CSGALNACT1: variants seen among roughly 807,000 people sequenced by gnomAD.
The protein encoded by CSGALNACT1 is beta4GalNAcT-1.
In CSGALNACT1, 52 loss-of-function variants were observed where a neutral mutation model predicts 51.0. That is an observed-to-expected ratio of 1.02 (90% CI 0.82 to 1.29). CSGALNACT1 has a LOEUF of 1.29. CSGALNACT1 is among the 50% of genes most tolerant of loss of function. The probability of loss-of-function intolerance (pLI) is 0.00; values close to 1 mark genes in which losing one functional copy is unlikely to be tolerated. For synonymous variants in CSGALNACT1, 341 were observed against 254.4 expected (o/e 1.34, Z -3.24); for missense variants, 935 against 679.2 (o/e 1.38, Z -4.19).
At chr8:19,532,718 T>C (rs1470795272) in intron 3 of CSGALNACT1, among the ~76,000 whole-genome samples, 1 of 152,182 alleles carries the variant, frequency 6.6e-6, no homozygotes, top group Admixed American at 6.5e-5. Flanking sequence ...GAAGAGGTAG[T>C]GAGCTCTTCC....
At chr8:19,684,172 A>T (rs1178043847), upstream of CSGALNACT1, among the ~76,000 whole-genome samples, 1 of 152,142 alleles carries the variant, frequency 6.6e-6, no homozygotes, top group Admixed American at 6.6e-5. Flanking sequence ...TCTCAAAAAA[A>T]AAATACATAA....
intron 3 of CSGALNACT1, among the ~76,000 whole-genome samples, chr8:19,556,931 T>C (rs191029239): frequency 7.7e-6 from 1 of 130,554 alleles, no homozygotes; most frequent in Non-Finnish European, 1.6e-5. Context: ...AGGTGTGCTA[T>C]AAACAAACCA....
At chr8:19,686,788 G>A (rs115307423), upstream of CSGALNACT1, among the ~76,000 whole-genome samples, 1,006 of 152,300 alleles carry the variant, frequency 6.6e-3, 13 homozygotes, top group African/African-American at 0.023. Flanking sequence ...ACCCCAGACA[G>A]GGATACCATC....
chr8:19,719,350 T>C (rs1323068441), intron 1 of CSGALNACT1, among the ~76,000 whole-genome samples: 1 of 152,202 alleles, frequency 6.6e-6, no homozygotes, highest in African/African-American at 2.4e-5. Flanking sequence ...GATGCGAGGT[T>C]GACAAGTGGA....
chr8:19,702,674 T>A (rs1345852064), intron 1 of CSGALNACT1, among the ~76,000 whole-genome samples: 1 of 152,136 alleles, frequency 6.6e-6, no homozygotes, highest in Non-Finnish European at 1.5e-5. Context: ...TCAGTCCTTG[T>A]CACAGACTGC....
intron 6 of CSGALNACT1, among the ~76,000 whole-genome samples, chr8:19,427,788 A>C (rs930080345): frequency 1.4e-5 from 2 of 146,230 alleles, no homozygotes; most frequent in African/African-American, 5.0e-5. Context: ...ACTCCACTTC[A>C]AAAAAAAAAA....
At chr8:19,420,243 G>A in intron 7 of CSGALNACT1, 97 bp downstream of exon 6, 1 of 1,114,638 alleles carries the variant, frequency 9.0e-7, no homozygotes, top group South Asian at 1.2e-5. Context: ...GGCTGATTCA[G>A]AAGCAGGACA....
At chr8:19,728,083 G>A (rs2063499128) in intron 1 of CSGALNACT1, among the ~76,000 whole-genome samples, 1 of 152,106 alleles carries the variant, frequency 6.6e-6, no homozygotes, top group East Asian at 1.9e-4. Flanking sequence ...GGCTGCCAGG[G>A]CTTAAATCTG....
chr8:19,550,949 G>T (rs1019478257), intron 3 of CSGALNACT1, among the ~76,000 whole-genome samples: 3 of 152,138 alleles, frequency 2.0e-5, no homozygotes, highest in African/African-American at 7.2e-5. Context: ...AAGGGTATTT[G>T]TCCAGACACG....
chr8:19,458,367 A>T (rs1173105229), intron 5 of CSGALNACT1, 59 bp downstream of exon 4: 13 of 1,313,776 alleles, frequency 9.9e-6, no homozygotes, highest in Non-Finnish European at 1.4e-5. Flanking sequence ...ACGGGAAATG[A>T]TATCAGTGTT....
At chr8:19,412,632 A>T (rs4412390) in intron 8 of CSGALNACT1, among the ~76,000 whole-genome samples, 70,739 of 152,132 alleles carry the variant, frequency 0.46, 17,914 homozygotes, top group East Asian at 0.83. Flanking sequence ...TTACAAAGTG[A>T]CCCATGTAGC....
intron 5 of CSGALNACT1, among the ~76,000 whole-genome samples, chr8:19,452,096 T>C (rs1180712601): frequency 6.6e-6 from 1 of 152,178 alleles, no homozygotes; most frequent in Non-Finnish European, 1.5e-5. Flanking sequence ...GGAGACATAA[T>C]CTTCTGCTGT....
intron 1 of CSGALNACT1, among the ~76,000 whole-genome samples, chr8:19,754,842 A>G (rs1563237354): frequency 6.6e-6 from 1 of 152,132 alleles, no homozygotes; most frequent in Non-Finnish European, 1.5e-5. Flanking sequence ...CTCCTCTCCA[A>G]CCCGGCTTTA....
chr8:19,743,118 C>T (rs929474114), intron 1 of CSGALNACT1, among the ~76,000 whole-genome samples: 1 of 152,152 alleles, frequency 6.6e-6, no homozygotes, highest in African/African-American at 2.4e-5. Context: ...TTCCATAATG[C>T]ATAAATGGAA....
chr8:19,505,738 C>T (rs1435270879), exon 4 of CSGALNACT1: 1 of 1,614,062 alleles, frequency 6.2e-7, no homozygotes, highest in Non-Finnish European at 8.5e-7. Context: ...GGGGTGCAGG[C>T]CAACATGTAC....
intron 1 of CSGALNACT1, among the ~76,000 whole-genome samples, chr8:19,700,442 T>C (rs1468869997): frequency 6.6e-6 from 1 of 152,196 alleles, no homozygotes; most frequent in Admixed American, 6.5e-5. Context: ...ATGCCTCTCA[T>C]AATGGTACTA....
At chr8:19,553,927 C>CACACACACACACA (rs1564021267) in intron 3 of CSGALNACT1, among the ~76,000 whole-genome samples, 1 of 117,740 alleles carries the variant, frequency 8.5e-6, no homozygotes, top group African/African-American at 3.5e-5. Context: ...ACACACACAC[C>CACACACACACACA]CAGAATCAAT....
At chr8:19,658,863 A>G (rs1336935702) in intron 1 of CSGALNACT1, among the ~76,000 whole-genome samples, 1 of 152,238 alleles carries the variant, frequency 6.6e-6, no homozygotes, top group Non-Finnish European at 1.5e-5. Flanking sequence ...AAAGTGATAC[A>G]TAGTGTTTAT....
intron 5 of CSGALNACT1, among the ~76,000 whole-genome samples, chr8:19,449,061 T>C (rs1023330056): frequency 1.1e-4 from 17 of 152,174 alleles, no homozygotes; most frequent in Non-Finnish European, 1.8e-4. Flanking sequence ...TTGAGTAGTC[T>C]GATCAGTGTT....
Sources: gnomAD v4.1 joint callset for allele counts (sites outside exome capture counted in the v4.1 genomes callset) on GRCh38, gnomAD v4.1.1 for gene constraint, MANE v1.5 for transcripts, NCBI Gene and HGNC (gene_info 2026-07-23, HGNC 2026-07-21) for gene names.